GTF3C1: variants seen among roughly 807,000 people sequenced by gnomAD.
The protein encoded by GTF3C1 is general transcription factor IIIC subunit 1.
GTF3C1 carries 57 observed loss-of-function variants against 226.7 expected under a neutral mutation model. The observed-to-expected ratio is 0.25, with a 90% confidence interval of 0.20 to 0.31. GTF3C1 has a LOEUF of 0.31. Ranked by LOEUF, GTF3C1 falls within the 10% of genes least tolerant of loss-of-function variation. The pLI, the probability that GTF3C1 is intolerant of heterozygous loss-of-function variation, is 1.00. For missense variants in GTF3C1, 2,217 were observed against 2,776.1 expected (o/e 0.80, Z 4.53); for synonymous variants, 1,090 against 1,084.8 (o/e 1.00, Z -0.09).
chr16:27,495,598 G>C, intron 14 of GTF3C1, 106 bp from the exon 15 acceptor site: 1 of 998,476 alleles, frequency 1.0e-6, no homozygotes, highest in East Asian at 2.6e-5. Context: ...GGGCCAGAAA[G>C]ATGGCAAATA....
At chr16:27,495,519 G>A (rs190236600) in intron 14 of GTF3C1, 27 bp from the exon 15 acceptor site, 11 of 1,597,970 alleles carry the variant, frequency 6.9e-6, no homozygotes, top group African/African-American at 6.7e-5. Flanking sequence ...AGAGGGCGGT[G>A]CTTGAAAAAT....
At position 27,495,363 on chromosome 16, in the gene GTF3C1, C is replaced by T. The variant is rs1231129474; in HGVS notation, c.2480G>A (p.Ser827Asn). The change falls in exon 15 of 37, where the codon AGT becomes AAT. Residue 827 changes from serine (S) to asparagine (N), a missense_variant. Ser to Asn is a conservative substitution (Grantham distance 46). This residue lies in a region of GTF3C1 where 353 missense variants were observed against 411.7 expected (regional missense o/e 0.86). Transcript: ENST00000356183. ...CTCCTGCTTTATCGTTCTCCGTTCA[C>T]TGATGAAGCTTGGCTTCTCCACGGT... ...SNTVEKPSFISERRTIKQESG... is the reference protein window; with the variant it reads ...SNTVEKPSFINERRTIKQESG... 2 of 1,614,200 alleles carry T rather than the reference C, an allele frequency of 1.2e-6. No homozygotes were observed. The highest frequency in any genetic ancestry group is 1.1e-5 in the South Asian group (1 of 91,084).
chr16:27,462,474 A>T lies in GTF3C1; in HGVS notation c.5937T>A (p.Ser1979Arg). Residue 1979 changes from serine to arginine, a missense_variant, in exon 36 of 37, where the codon AGT (serine) becomes AGA (arginine). Ser to Arg is a moderately radical substitution (Grantham distance 110). Transcript: ENST00000356183. The surrounding 1 kb of genome is among the most constrained non-coding windows in gnomAD (Gnocchi z 4.5). ...GCCACGGCCGGCCGATGAAGCAGAC[A>T]CTCTCACAGTCCCTGCAGGGAGAGG... is the stretch of plus-strand genomic sequence containing the variant. ...SQAARERDCE[S>R]VCFIGRPWRV... is the part of the protein sequence containing the mutation. 1.6e-5 allele frequency: 26 copies of T among 1,612,998 alleles called. No homozygotes were observed. Among genetic ancestry groups the T allele is most frequent in the Non-Finnish European group, 2.2e-5 (26 of 1,179,446 alleles).
At position 27,470,376 on chromosome 16, in the gene GTF3C1, G is replaced by C. The variant is rs2087850239; in HGVS notation, c.4546C>G (p.Pro1516Ala). 23 of 1,613,214 alleles carry C rather than the reference G, an allele frequency of 1.4e-5. No homozygotes were observed. Among genetic ancestry groups the C allele is most frequent in the Non-Finnish European group, 1.9e-5 (22 of 1,179,540 alleles). Residue 1516 changes from proline to alanine, a missense_variant, in exon 31 of 37, where the codon CCA becomes GCA. Around this residue, in one of 12 missense-constraint regions of GTF3C1, gnomAD observed 546 missense variants for 663.0 expected, o/e 0.82. Transcript: ENST00000356183. The surrounding 1 kb of genome is among the most constrained non-coding windows in gnomAD (Gnocchi z 4.9). ...AATGACTCCGTGCAGATGGTGCTTGGAAATCGCCACGTAAAAATCCTACAG... is the reference window on the plus strand; with the variant it reads ...AATGACTCCGTGCAGATGGTGCTTGCAAATCGCCACGTAAAAATCCTACAG... Reference protein sequence around the residue: ...TYYRIFTWRFPSTICTESFQF... With the variant: ...TYYRIFTWRFASTICTESFQF...
chr16:27,481,124 T>C lies in GTF3C1; in HGVS notation c.4151A>G (p.Asn1384Ser). 6.2e-7 allele frequency: 1 copy of C among 1,614,226 alleles called. No individual in the cohort carries two copies. The highest frequency in any genetic ancestry group is 8.5e-7 in the Non-Finnish European group (1 of 1,180,032). ...LKEKFSSALR[N>S]SNLEIPDTLQ... ...TGTGTCTGGGATTTCAAGGTTAGAA[T>C]TCCTTAGGGCTGAACTGAACTTTTC... Residue 1384 changes from asparagine (N) to serine (S), a missense_variant, in exon 27 of 37, where the codon AAT becomes AGT. Asn to Ser is a conservative substitution (Grantham distance 46, BLOSUM62 1). Coordinates refer to ENST00000356183, the MANE Select transcript of GTF3C1 (RefSeq NM_001520.4).
chr16:27,489,567 A>T (rs1235946625), intron 20 of GTF3C1, 35 bp downstream of exon 20: 1 of 1,551,602 alleles, frequency 6.4e-7, no homozygotes, highest in Non-Finnish European at 8.8e-7. Context: ...ACCGCAGCCC[A>T]GTCCTGGCCG....
intron 1 of GTF3C1, among the ~76,000 whole-genome samples, chr16:27,548,797 G>A (rs999485911): frequency 2.0e-5 from 3 of 152,232 alleles, no homozygotes; most frequent in African/African-American, 7.2e-5. Flanking sequence ...CCTGTTTAAC[G>A]GAGTTTAATC....
At chr16:27,474,093 C>T (rs1181050378) in intron 29 of GTF3C1, among the ~76,000 whole-genome samples, 1 of 152,244 alleles carries the variant, frequency 6.6e-6, no homozygotes, top group African/African-American at 2.4e-5. Flanking sequence ...CAGCCTTCCA[C>T]TGGCTTCCCG....
rs1203133308 is a variant in GTF3C1 at position 27,478,456 on chromosome 16, T to C, written c.4259+13A>G. On this transcript the variant is annotated intron_variant, in intron 28 of 36. Transcript: ENST00000356183. ...GCAGCTGAGGAAAAGCTACTCTATATATCAGTACTTACCTGTTAAGTTCAT... is the reference window on the plus strand; with the variant it reads ...GCAGCTGAGGAAAAGCTACTCTATACATCAGTACTTACCTGTTAAGTTCAT... 5 of 1,549,050 alleles carry C rather than the reference T, an allele frequency of 3.2e-6. No homozygotes were observed. The highest frequency in any genetic ancestry group is 1.1e-5 in the South Asian group (1 of 89,694).
intron 12 of GTF3C1, 32 bp downstream of exon 12, chr16:27,501,159 T>C (rs759407535): frequency 7.6e-6 from 12 of 1,586,624 alleles, no homozygotes; most frequent in Non-Finnish European, 1.0e-5. Context: ...AGCACGAGGC[T>C]GGCTCTGGGC....
chr16:27,486,052 T>C lies in GTF3C1; in HGVS notation c.3803A>G (p.Gln1268Arg), dbSNP rs2088133268. Residue 1268 changes from glutamine (Q) to arginine (R), a missense_variant, in exon 24 of 37, where the codon CAG (glutamine) becomes CGG (arginine). Transcript: ENST00000356183. Reference protein sequence around the residue: ...MTRLRVTWSMQEDGLLVLCRI... With the variant: ...MTRLRVTWSMREDGLLVLCRI... Reference sequence around the variant, plus strand: ...GCACAGCACAAGCAGCCCATCCTCCTGCATAGACCAGGTGACACGAAGCCG... The same window carrying C: ...GCACAGCACAAGCAGCCCATCCTCCCGCATAGACCAGGTGACACGAAGCCG... 7.4e-6 allele frequency: 12 copies of C among 1,612,178 alleles called. No homozygotes were observed. The highest frequency in any genetic ancestry group is 1.3e-5 in the African/African-American group (1 of 74,880).
intron 12 of GTF3C1, among the ~76,000 whole-genome samples, chr16:27,500,051 C>T (rs898124544): frequency 2.0e-5 from 3 of 152,226 alleles, no homozygotes; most frequent in African/African-American, 7.2e-5. Flanking sequence ...CCCCATCCCT[C>T]GCCCACTCCC....
chr16:27,513,987 G>C lies in GTF3C1; in HGVS notation c.974-2086C>G, dbSNP rs1158285350. On this transcript the variant is annotated intron_variant, in intron 6 of 36. Coordinates refer to ENST00000356183, the MANE Select transcript of GTF3C1 (RefSeq NM_001520.4). Reference sequence around the variant, plus strand: ...CAAGCAGGAGGTTCTTTTGGGGGCAGAGCATGTGGCTTGCAGTTGAAGTTC... The same window carrying C: ...CAAGCAGGAGGTTCTTTTGGGGGCACAGCATGTGGCTTGCAGTTGAAGTTC... Among the ~76,000 whole-genome samples, 6 of 152,316 alleles carry C rather than the reference G, an allele frequency of 3.9e-5. No homozygotes were observed. In the South Asian group the frequency reaches 1.2e-3, roughly 32 times the overall value.
intron 14 of GTF3C1, among the ~76,000 whole-genome samples, chr16:27,496,626 G>A (rs1022717164): frequency 6.6e-6 from 1 of 152,170 alleles, no homozygotes; most frequent in Admixed American, 6.5e-5. Flanking sequence ...GAATGGTCTC[G>A]ATCTCCTGAC....
chr16:27,501,102 T>G (rs960638167), intron 12 of GTF3C1, 89 bp downstream of exon 12: 5 of 1,066,306 alleles, frequency 4.7e-6, no homozygotes, highest in Non-Finnish European at 5.6e-6. Context: ...ATAAAGCAAC[T>G]ACCAGGATAC....
chr16:27,528,673 C>A lies in GTF3C1; in HGVS notation c.898G>T (p.Ala300Ser). Reference protein sequence around the residue: ...FKRLYQYMLNAGLAKVVSLRL... With the variant: ...FKRLYQYMLNSGLAKVVSLRL... Reference sequence around the variant, plus strand: ...AGAGACACCACCTTGGCTAGCCCGGCGTTCAGCATATACTGGTACAGACGC... The same window carrying A: ...AGAGACACCACCTTGGCTAGCCCGGAGTTCAGCATATACTGGTACAGACGC... Residue 300 changes from alanine to serine, a missense_variant, in exon 6 of 37, where the codon GCC (alanine) becomes TCC (serine). Physicochemically the swap from Ala to Ser is moderately conservative, Grantham distance 99. This residue lies in a region of GTF3C1 where 163 missense variants were observed against 234.3 expected (regional missense o/e 0.70). Transcript: ENST00000356183. The A allele has an allele frequency of 6.2e-7, 1 of 1,612,668 alleles. No individual in the cohort carries two copies. The highest frequency in any genetic ancestry group is 2.2e-5 in the East Asian group (1 of 44,880).
intron 27 of GTF3C1, among the ~76,000 whole-genome samples, chr16:27,479,283 C>T (rs550422643): frequency 9.0e-4 from 137 of 151,732 alleles, no homozygotes; most frequent in African/African-American, 3.1e-3. Context: ...CAAAGAGTAG[C>T]CATATTAGGT....
intron 5 of GTF3C1, among the ~76,000 whole-genome samples, chr16:27,529,810 A>G (rs1567411933): frequency 6.6e-6 from 1 of 152,230 alleles, no homozygotes; most frequent in Non-Finnish European, 1.5e-5. Flanking sequence ...CCAGGGGGCC[A>G]CAGCCTTTGC....
At position 27,533,270 on chromosome 16, in the gene GTF3C1, C is replaced by T. The variant is rs116190625; in HGVS notation, c.849+21G>A. On this transcript the variant is annotated intron_variant, in intron 5 of 36. Transcript: ENST00000356183. The stretch of plus-strand genomic sequence containing the variant: ...GGTACAGATCACACCCAGCCCCGCC[C>T]GTGGGAAACCCCAGGCTCACCAGCT... The T allele has an allele frequency of 2.2e-4, 287 of 1,305,890 alleles. 1 individual carries two copies. In the African/African-American group the frequency reaches 3.6e-3, roughly 16 times the overall value. 80.9% of individuals were successfully genotyped at this position (1,305,890 alleles called of 1,614,324 possible).
Sources: allele counts gnomAD v4.1 joint callset (sites outside exome capture counted in the v4.1 genomes callset), GRCh38; gene constraint gnomAD v4.1.1; regional missense constraint gnomAD v4.1.1; non-coding constraint Gnocchi (gnomAD v3.1); transcripts MANE v1.5; gene names NCBI Gene and HGNC (gene_info 2026-07-23, HGNC 2026-07-21).